The following TMEM132E variants were observed in gnomAD, a reference collection of about 807,000 sequenced individuals.
The protein encoded by TMEM132E is transmembrane protein 132E.
A neutral mutation model predicts 78.5 loss-of-function variants in TMEM132E; 49 were observed. The ratio of observed to expected loss-of-function variants is 0.62; its 90% CI spans 0.50 to 0.79. The LOEUF is 0.79. Ranked by LOEUF, TMEM132E falls within the 30% of genes least tolerant of loss-of-function variation. TMEM132E has a pLI of 0.00. For missense variants in TMEM132E, 1,403 were observed against 1,470.9 expected, an observed-to-expected ratio of 0.95 and a Z score of 0.75; for synonymous variants, 715 against 670.6, an observed-to-expected ratio of 1.07 and a Z score of -1.02.
rs150721851 is a variant in TMEM132E, at chr17:34,591,934, C to G, written c.67+10791C>G. On this transcript the variant is annotated intron_variant, in intron 1 of 8. Coordinates refer to ENST00000631683, the MANE Select transcript of TMEM132E (RefSeq NM_001304438.2). ...GCTGGGCTGCCGCATGAATGAGATC[C>G]CACGGTGTGTTTGGAAGTATCCAGA... Among the ~76,000 whole-genome samples the G allele has an allele frequency of 8.0e-3, 1,214 of 152,288 alleles. 7 individuals are homozygous for G. The highest frequency in any genetic ancestry group is 0.044 in the Middle Eastern group (13 of 294).
At chr17:34,587,205 C>T (rs767732466) in intron 1 of TMEM132E, among the ~76,000 whole-genome samples, 3 of 152,170 alleles carry the variant, frequency 2.0e-5, no homozygotes, top group Non-Finnish European at 4.4e-5. Context: ...TCAGACCCCA[C>T]GGGGCCCTGG....
In TMEM132E at chr17:34,621,015, G is replaced by A. The variant is rs375115549; in HGVS notation, c.68-5112G>A. Reference sequence around the variant, plus strand: ...CGCTAAGCACAGTCTGGCAGGGGTCGGGGAGGCTGGGGAGAGCTGGGAACA... The same window carrying A: ...CGCTAAGCACAGTCTGGCAGGGGTCAGGGAGGCTGGGGAGAGCTGGGAACA... On this transcript the variant is annotated intron_variant, in intron 1 of 8. Transcript: ENST00000631683. Among the ~76,000 whole-genome samples the A allele has an allele frequency of 3.9e-5, 6 of 152,288 alleles. No individual in the cohort carries two copies. The South Asian group carries it at 6.2e-4, about 16-fold the overall frequency.
intron 6 of TMEM132E, 94 bp downstream of exon 6, chr17:34,633,003 TG>T: frequency 7.3e-7 from 1 of 1,370,778 alleles, no homozygotes; most frequent in Non-Finnish European, 1.0e-6. Context: ...ATAAGGCCCT[TG>T]GTATACATAG....
chr17:34,627,134 G>C (rs1474431716), intron 2 of TMEM132E, 77 bp downstream of exon 2: 6 of 1,268,964 alleles, frequency 4.7e-6, no homozygotes, highest in African/African-American at 2.9e-5. Flanking sequence ...GGGTGGGTTG[G>C]GGGGTGGGGG....
rs1037961762 is a variant in TMEM132E, at chr17:34,580,944, C to G, written c.-133C>G. 3.2e-6 allele frequency: 2 copies of G among 621,422 alleles called. No individual in the cohort carries two copies. The highest frequency in any genetic ancestry group is 5.3e-6 in the Non-Finnish European group (2 of 380,198). The allele number at this position is 621,422 out of a possible 1,614,324, so 38.5% of individuals were successfully genotyped here. On this transcript the variant is annotated 5_prime_UTR_variant, in exon 1 of 9. Coordinates refer to ENST00000631683, the MANE Select transcript of TMEM132E (RefSeq NM_001304438.2). ...CCGCAAAGTGTCCCCGAATTGCACT[C>G]TCTGGTCCCGGAGCTGCATCTGAGA...
intron 1 of TMEM132E, among the ~76,000 whole-genome samples, chr17:34,611,871 T>C (rs921896946): frequency 6.6e-6 from 1 of 152,154 alleles, no homozygotes; most frequent in South Asian, 2.1e-4. Context: ...TCTGCACACA[T>C]TGCAGGTCTC....
intron 1 of TMEM132E, among the ~76,000 whole-genome samples, chr17:34,607,360 A>C (rs1333450990): frequency 1.3e-5 from 2 of 152,164 alleles, no homozygotes; most frequent in Non-Finnish European, 2.9e-5. Flanking sequence ...AGGATGGGGG[A>C]ACCAGGGTTG....
At chr17:34,590,129 C>T (rs371568964) in intron 1 of TMEM132E, among the ~76,000 whole-genome samples, 6 of 152,192 alleles carry the variant, frequency 3.9e-5, no homozygotes, top group African/African-American at 1.4e-4. Flanking sequence ...AGTTCGCCCC[C>T]ACCTCCAGCC....
In TMEM132E at chr17:34,626,732, G is replaced by C. The variant is rs1907148730; in HGVS notation, c.673G>C (p.Gly225Arg). The C allele has an allele frequency of 7.3e-7, 1 of 1,376,788 alleles. No individual in the cohort carries two copies. Among genetic ancestry groups the C allele is most frequent in the African/African-American group, 1.5e-5 (1 of 67,906 alleles). The allele number at this position is 1,376,788 out of a possible 1,614,324, so 85.3% of individuals were successfully genotyped here. The change falls in exon 2 of 9, where the codon GGG becomes CGG. Residue 225 changes from glycine (G) to arginine (R), a missense_variant. This residue lies in a region of TMEM132E where 511 missense variants were observed against 499.0 expected (regional missense o/e 1.02). Transcript: ENST00000631683. ...SPDGLEPEAT[G>R]ESQQAELYYT... ...GGACGGGCTGGAGCCCGAGGCGACG[G>C]GGGAGAGCCAGCAGGCCGAGCTCTA...
chr17:34,619,394 T>G (rs1456473841), intron 1 of TMEM132E, among the ~76,000 whole-genome samples: 4 of 150,288 alleles, frequency 2.7e-5, no homozygotes, highest in Non-Finnish European at 5.9e-5. Flanking sequence ...TAACAACGCC[T>G]GGAATGCTTC....
chr17:34,623,761 T>C (rs1309747296), intron 1 of TMEM132E, among the ~76,000 whole-genome samples: 1 of 152,198 alleles, frequency 6.6e-6, no homozygotes, highest in Non-Finnish European at 1.5e-5. Context: ...GCCAGTTGGT[T>C]CGCCTGCTTG....
intron 1 of TMEM132E, among the ~76,000 whole-genome samples, chr17:34,625,641 C>T (rs936330219): frequency 1.3e-5 from 2 of 149,094 alleles, no homozygotes; most frequent in Non-Finnish European, 1.5e-5. Context: ...GGATGAAATA[C>T]GCTAAGGCCT....
intron 7 of TMEM132E, 140 bp from the exon 8 acceptor site, chr17:34,635,867 C>A: frequency 1.3e-6 from 1 of 787,112 alleles, no homozygotes; most frequent in Non-Finnish European, 1.8e-6. Context: ...TGAGGCAGAG[C>A]TGCGAAGTCC....
chr17:34,613,727 C>T (rs1221561569), intron 1 of TMEM132E, among the ~76,000 whole-genome samples: 1 of 152,130 alleles, frequency 6.6e-6, no homozygotes, highest in Non-Finnish European at 1.5e-5. Context: ...CTCTCCCTCC[C>T]CCAGCCCTCC....
intron 1 of TMEM132E, among the ~76,000 whole-genome samples, chr17:34,610,198 C>T (rs1045945962): frequency 8.5e-5 from 13 of 152,220 alleles, no homozygotes; most frequent in Middle Eastern, 6.4e-3. Flanking sequence ...TATTTATGTA[C>T]TTGTCTGATC....
At chr17:34,615,146 CCCCAGGAGCAGGACTAGGAGGCCA>C (rs1281205780) in intron 1 of TMEM132E, among the ~76,000 whole-genome samples, 1 of 30,928 alleles carries the variant, frequency 3.2e-5, no homozygotes, top group African/African-American at 5.8e-5. Flanking sequence ...CCCTGGGTTT[CCCCAGGAGCAGGACTAGGAGGCCA>C]GTTCAGGGGC....
In TMEM132E at chr17:34,626,666, C is replaced by T. The variant is rs1907144935; in HGVS notation, c.607C>T (p.Pro203Ser). The T allele has an allele frequency of 5.0e-6, 7 of 1,411,584 alleles. No individual in the cohort carries two copies. The highest frequency in any genetic ancestry group is 2.9e-5 in the Admixed American group (1 of 34,018). 87.4% of individuals were successfully genotyped at this position (1,411,584 alleles called of 1,614,324 possible). ...GCTGCCCCTGGCCTGGTTCGGGCCCCCAGCCCCCGCTGCGCCACCCACGGC... is the reference window on the plus strand; with the variant it reads ...GCTGCCCCTGGCCTGGTTCGGGCCCTCAGCCCCCGCTGCGCCACCCACGGC... ...AELPLAWFGP[P>S]APAAPPTARR... Residue 203 changes from proline (P) to serine (S), a missense_variant, in exon 2 of 9, where the codon CCA becomes TCA. Coordinates refer to ENST00000631683, the MANE Select transcript of TMEM132E (RefSeq NM_001304438.2).
Position 34,630,146 on chromosome 17 carries a change from A to G in TMEM132E, c.1477A>G (p.Ile493Val), listed in dbSNP as rs1907306898. ...VECESDNEDI[I>V]KVSSSCDYVF... ...ATGCGAGTCTGACAATGAAGACATCATCAAGGTGGGCATCCTGGAGGTGGG... is the reference window on the plus strand; with the variant it reads ...ATGCGAGTCTGACAATGAAGACATCGTCAAGGTGGGCATCCTGGAGGTGGG... The change falls in exon 5 of 9, where the codon ATC becomes GTC. Residue 493 changes from isoleucine (I) to valine (V), a missense_variant. Ile to Val is a conservative substitution (Grantham distance 29, BLOSUM62 3). Around this residue, in one of 3 missense-constraint regions of TMEM132E, gnomAD observed 888 missense variants for 952.8 expected, o/e 0.93. Transcript: ENST00000631683. 1.6e-5 allele frequency: 26 copies of G among 1,610,536 alleles called. No individual in the cohort carries two copies. Among genetic ancestry groups the G allele is most frequent in the Middle Eastern group, 1.6e-4 (1 of 6,070 alleles).
intron 1 of TMEM132E, among the ~76,000 whole-genome samples, chr17:34,621,950 G>GC (rs1171404906): frequency 6.6e-6 from 1 of 152,070 alleles, no homozygotes; most frequent in African/African-American, 2.4e-5. Context: ...TCCAGTCCTG[G>GC]CCTGACCTCA....
Sources: gnomAD v4.1 joint callset for allele counts (sites outside exome capture counted in the v4.1 genomes callset) on GRCh38, gnomAD v4.1.1 for gene constraint, gnomAD v4.1.1 regional missense constraint, MANE v1.5 for transcripts, NCBI Gene and HGNC (gene_info 2026-07-23, HGNC 2026-07-21) for gene names.